SLC33A1: variants seen among roughly 807,000 people sequenced by gnomAD.
The protein encoded by SLC33A1 is acetyl-coenzyme A transporter 1.
SLC33A1 carries 20 observed loss-of-function variants against 50.0 expected under a neutral mutation model. The ratio of observed to expected loss-of-function variants is 0.40; its 90% CI spans 0.28 to 0.58. The LOEUF is 0.58. SLC33A1 is among the 20% of genes least tolerant of loss of function. The pLI is 0.44. For synonymous variants in SLC33A1, 265 were observed against 251.8 expected (o/e 1.05, Z -0.50); for missense variants, 476 against 657.0 (o/e 0.72, Z 3.01).
At position 155,827,503 on chromosome 3, in the gene SLC33A1, G is replaced by C. The variant is rs1752236970; in HGVS notation, c.*707C>G. The C allele has an allele frequency of 6.6e-6, 1 of 152,042 alleles. No individual in the cohort carries two copies. The highest frequency in any genetic ancestry group is 1.5e-5 in the Non-Finnish European group (1 of 68,008). The allele number at this position is 152,042 out of a possible 1,614,324, so 9.4% of individuals were successfully genotyped here. On this transcript the variant is annotated 3_prime_UTR_variant, in exon 6 of 6. Coordinates refer to ENST00000643144, the MANE Select transcript of SLC33A1 (RefSeq NM_004733.4). ...AATCAAAATATCTTCCAAAAAGAGG[G>C]GGTAGGGGCAAGAGGAATCAATAAG...
intron 1 of SLC33A1, chr3:155,845,153 T>A (rs1753119006): frequency 1.3e-5 from 2 of 152,188 alleles, no homozygotes; most frequent in Non-Finnish European, 2.9e-5. Context: ...TCCAGTTATA[T>A]AAGACTTAAG....
intron 5 of SLC33A1, 29 bp from the exon 6 acceptor site, chr3:155,828,406 C>A: frequency 7.2e-7 from 1 of 1,382,268 alleles, no homozygotes; most frequent in Admixed American, 1.7e-5. Flanking sequence ...AATAAATACT[C>A]CACAATTTCA....
At chr3:155,849,269 A>G (rs7616485) in intron 1 of SLC33A1, among the ~76,000 whole-genome samples, 29,979 of 152,090 alleles carry the variant, frequency 0.2, 7,515 homozygotes, top group African/African-American at 0.58. Context: ...TTTAATACTC[A>G]GATTTTCTAA....
rs1316012444 is a variant in SLC33A1 at position 155,853,608 on chromosome 3, A to T, written c.390T>A (p.Asp130Glu). 1 of 1,614,254 alleles carries T rather than the reference A, an allele frequency of 6.2e-7. No individual in the cohort carries two copies. The highest frequency in any genetic ancestry group is 8.5e-7 in the Non-Finnish European group (1 of 1,180,050). ...SLKLLWAPLVDAVYVKNFGRR... is the reference protein window; with the variant it reads ...SLKLLWAPLVEAVYVKNFGRR... ...GACCGAAGTTCTTAACGTAGACCGC[A>T]TCAACCAACGGGGCCCAGAGTAATT... The change falls in exon 1 of 6, where the codon GAT becomes GAA. Residue 130 changes from aspartate (D) to glutamate (E), a missense_variant. By Grantham distance (45) the Asp-to-Glu change is conservative. Transcript: ENST00000643144.
chr3:155,835,719 C>T (rs189749321), intron 2 of SLC33A1, among the ~76,000 whole-genome samples: 4 of 152,222 alleles, frequency 2.6e-5, no homozygotes, highest in Non-Finnish European at 5.9e-5. Flanking sequence ...TGGACCTTAC[C>T]GGTTTTTCAT....
chr3:155,851,334 C>T (rs1394863793), intron 1 of SLC33A1, among the ~76,000 whole-genome samples: 2 of 152,048 alleles, frequency 1.3e-5, no homozygotes, highest in African/African-American at 4.8e-5. Context: ...GCCACAATCT[C>T]CCGGGCTGAA....
chr3:155,847,536 G>A (rs897919811), intron 1 of SLC33A1, among the ~76,000 whole-genome samples: 1 of 152,032 alleles, frequency 6.6e-6, no homozygotes, highest in Non-Finnish European at 1.5e-5. Context: ...CCTGAGGTCA[G>A]GAGTTCGAGA....
chr3:155,824,612 T>C lies in SLC33A1; in HGVS notation c.*3598A>G, dbSNP rs1468237344. On this transcript the variant is annotated 3_prime_UTR_variant, in exon 6 of 6. Transcript: ENST00000643144. ...TAGTTTTTATCATAGATTTTTTTTT[T>C]CAACATTGTTTTCAGGATGTTTTAA... 2 of 151,272 alleles carry C rather than the reference T, an allele frequency of 1.3e-5. No individual in the cohort carries two copies. Among genetic ancestry groups the C allele is most frequent in the Non-Finnish European group, 3.0e-5 (2 of 67,712 alleles). 9.4% of individuals were successfully genotyped at this position (151,272 alleles called of 1,614,324 possible).
At chr3:155,836,238 C>G (rs1166537901) in intron 2 of SLC33A1, among the ~76,000 whole-genome samples, 2 of 115,842 alleles carry the variant, frequency 1.7e-5, no homozygotes, top group Non-Finnish European at 3.3e-5. Flanking sequence ...GAGCCAAGAT[C>G]GCGCCACTGC....
intron 1 of SLC33A1, among the ~76,000 whole-genome samples, chr3:155,843,466 T>G (rs1270175212): frequency 6.6e-6 from 1 of 152,156 alleles, no homozygotes; most frequent in Non-Finnish European, 1.5e-5. Context: ...TGAGGACCCA[T>G]GAAGAGTACT....
rs754093552 is a variant in SLC33A1, at chr3:155,853,452, C to G, written c.546G>C (p.Ala182=). The G allele has an allele frequency of 6.2e-7, 1 of 1,614,082 alleles. No homozygotes were observed. Among genetic ancestry groups the G allele is most frequent in the South Asian group, 1.1e-5 (1 of 91,086 alleles). Residue 182 remains alanine (A), a synonymous_variant, in exon 1 of 6, where the codon GCG becomes GCC. Transcript: ENST00000643144. ...RTPDVIALTV[A]FFLFEFLAAT... Reference sequence around the variant, plus strand: ...CGGCCAAGAATTCAAACAAAAAGAACGCCACAGTGAGAGCAATCACGTCGG... The same window carrying G: ...CGGCCAAGAATTCAAACAAAAAGAAGGCCACAGTGAGAGCAATCACGTCGG...
In SLC33A1 at chr3:155,846,155, A is replaced by C. The variant is rs191424370; in HGVS notation, c.776-3536T>G. Among the ~76,000 whole-genome samples, 8 of 152,362 alleles carry C rather than the reference A, an allele frequency of 5.3e-5. No homozygotes were observed. In the East Asian group the frequency reaches 9.6e-4, roughly 18 times the overall value. ...CTCGCACCTGAGTGTCTATTATAAG[A>C]TCTGGGAAAAAACAGAGGACATCTC... On this transcript the variant is annotated intron_variant, in intron 1 of 5. Transcript: ENST00000643144.
intron 2 of SLC33A1, among the ~76,000 whole-genome samples, chr3:155,839,373 CAAAAAAAAAAAAAA>C (rs1198585213): frequency 1.6e-4 from 3 of 18,296 alleles, no homozygotes; most frequent in African/African-American, 6.0e-4. Context: ...GACTCTGTCT[CAAAAAAAAAAAAAA>C]AAAAAAAAAA....
chr3:155,853,034 T>C (rs1753462925), intron 1 of SLC33A1, 189 bp downstream of exon 1: 1 of 613,758 alleles, frequency 1.6e-6, no homozygotes, highest in Non-Finnish European at 2.9e-6. Context: ...TAGTGATCAT[T>C]TGATTGCTCT....
chr3:155,833,360 G>T, intron 4 of SLC33A1, 108 bp downstream of exon 4: 1 of 773,356 alleles, frequency 1.3e-6, no homozygotes, highest in South Asian at 1.4e-5. Flanking sequence ...TTCAGTGTCA[G>T]ATTCATGCTT....
chr3:155,825,129 A>C lies in SLC33A1; in HGVS notation c.*3081T>G, dbSNP rs1446565470. On this transcript the variant is annotated 3_prime_UTR_variant, in exon 6 of 6. Transcript: ENST00000643144. ...GTGCTGTGTGCCTGTAGTCCTAGCT[A>C]CCAGAGAGGCTGAGGTGGAAAGATC... 1 of 152,030 alleles carries C rather than the reference A, an allele frequency of 6.6e-6. No individual in the cohort carries two copies. Among genetic ancestry groups the C allele is most frequent in the East Asian group, 1.9e-4 (1 of 5,180 alleles). 9.4% of individuals were successfully genotyped at this position (152,030 alleles called of 1,614,324 possible). A position where few individuals can be genotyped will look rare whatever the true frequency, so the allele number is the denominator to read the frequency against.
intron 2 of SLC33A1, 85 bp downstream of exon 2, chr3:155,842,347 C>G: frequency 2.6e-6 from 2 of 771,094 alleles, no homozygotes; most frequent in South Asian, 3.2e-5. Flanking sequence ...TGGAAAGGGA[C>G]CTGTGATATG....
rs1239953043 is a variant in SLC33A1, at chr3:155,853,832, T to C, written c.166A>G (p.Thr56Ala). The C allele has an allele frequency of 1.2e-6, 2 of 1,608,834 alleles. No individual in the cohort carries two copies. Among genetic ancestry groups the C allele is most frequent in the Non-Finnish European group, 1.7e-6 (2 of 1,176,860 alleles). ...GCTTTTAAGAAGTCGCCAGTGCCGG[T>C]ATCCCCCAGAAGAGCTTCTCTGTCC... The part of the protein sequence containing the change: ...EGDREALLGD[T>A]GTGDFLKAPQ... The change falls in exon 1 of 6, where the codon ACC becomes GCC. Residue 56 changes from threonine to alanine, a missense_variant. Transcript: ENST00000643144.
At chr3:155,853,002 T>C in intron 1 of SLC33A1, 1 of 580,116 alleles carries the variant, frequency 1.7e-6, no homozygotes, top group Non-Finnish European at 3.0e-6. Flanking sequence ...ATTTGATGGG[T>C]TGCCTCTCCC....
Sources: allele counts gnomAD v4.1 joint callset (sites outside exome capture counted in the v4.1 genomes callset), GRCh38; gene constraint gnomAD v4.1.1; transcripts MANE v1.5; gene names NCBI Gene and HGNC (gene_info 2026-07-23, HGNC 2026-07-21).